Variants in ISM1 observed in about 807,000 individuals in gnomAD.
ISM1 encodes isthmin-1.
Under a neutral mutation model 46.3 loss-of-function variants are expected in ISM1, and 25 were observed. The observed-to-expected ratio is 0.54, with a 90% CI of 0.39 to 0.75. The LOEUF is 0.75. Among genes scored for constraint, ISM1 ranks in the 30% least tolerant of loss-of-function variants. The pLI is 0.00. For missense variants in ISM1, 536 were observed against 625.4 expected, an observed-to-expected ratio of 0.86 and a Z score of 1.52; for synonymous variants, 255 against 256.7, an observed-to-expected ratio of 0.99 and a Z score of 0.06.
chr20:13,241,162 A>T (rs1393489891), intron 1 of ISM1, among the ~76,000 whole-genome samples: 1 of 152,120 alleles, frequency 6.6e-6, no homozygotes, highest in East Asian at 1.9e-4. Flanking sequence ...ATGACTGGTG[A>T]CCTGAATGAG....
At chr20:13,323,623 C>A in the ISM1 span, among the ~76,000 whole-genome samples, 1 of 152,174 alleles carries the variant, frequency 6.6e-6, no homozygotes, top group Non-Finnish European at 1.5e-5. Context: ...AACTACCATA[C>A]GACTATAATT....
At chr20:13,224,811 C>G (rs887986826) in intron 1 of ISM1, among the ~76,000 whole-genome samples, 2 of 144,242 alleles carry the variant, frequency 1.4e-5, no homozygotes, top group African/African-American at 2.6e-5. Flanking sequence ...AGGCACTGTT[C>G]TTAGCACTTT....
intron 1 of ISM1, among the ~76,000 whole-genome samples, chr20:13,257,545 A>G (rs1003441448): frequency 5.9e-5 from 9 of 152,092 alleles, no homozygotes; most frequent in African/African-American, 2.2e-4. Context: ...ACTATGTGCC[A>G]TTTCATTCCT....
At chr20:13,261,406 G>A (rs243902) in intron 1 of ISM1, among the ~76,000 whole-genome samples, 13,512 of 149,774 alleles carry the variant, frequency 0.09, 689 homozygotes, top group East Asian at 0.17. Context: ...CAACAAGAGG[G>A]AAGAGTGAAA....
chr20:13,228,980 A>C (rs979555265), intron 1 of ISM1, among the ~76,000 whole-genome samples: 1 of 152,066 alleles, frequency 6.6e-6, no homozygotes, highest in Non-Finnish European at 1.5e-5. Context: ...CCACTCTGAA[A>C]CCCAGGACTG....
At chr20:13,319,354 T>C in the ISM1 span, among the ~76,000 whole-genome samples, 2 of 152,138 alleles carry the variant, frequency 1.3e-5, no homozygotes, top group Non-Finnish European at 2.9e-5. Context: ...GTATTTCTAC[T>C]GCTAATCAGA....
At chr20:13,231,381 C>T (rs1472149989) in intron 1 of ISM1, among the ~76,000 whole-genome samples, 1 of 152,172 alleles carries the variant, frequency 6.6e-6, no homozygotes, top group East Asian at 1.9e-4. Context: ...GCAAAGGTCA[C>T]GCCTAGGCAA....
chr20:13,274,350 T>A (rs957284117), intron 2 of ISM1, among the ~76,000 whole-genome samples: 3 of 152,050 alleles, frequency 2.0e-5, no homozygotes, highest in Admixed American at 6.5e-5. Context: ...GCCGGCCCCG[T>A]CAAAGCATTC....
At chr20:13,262,013 C>T (rs898346320) in intron 1 of ISM1, among the ~76,000 whole-genome samples, 1 of 152,172 alleles carries the variant, frequency 6.6e-6, no homozygotes, top group South Asian at 2.1e-4. Flanking sequence ...TCCCTCTGGT[C>T]GTAGGAGGAC....
chr20:13,240,239 A>G (rs973429460), intron 1 of ISM1, among the ~76,000 whole-genome samples: 9 of 152,256 alleles, frequency 5.9e-5, no homozygotes, highest in African/African-American at 2.2e-4. Flanking sequence ...ATGTTCTAGA[A>G]AGAAAACTGA....
the ISM1 span, among the ~76,000 whole-genome samples, chr20:13,323,696 C>T: frequency 6.6e-6 from 1 of 152,138 alleles, no homozygotes; most frequent in African/African-American, 2.4e-5. Flanking sequence ...TCATGGACTA[C>T]TCCCAGAGTT....
At chr20:13,305,456 A>G (rs1177007083), downstream of ISM1, among the ~76,000 whole-genome samples, 1 of 152,158 alleles carries the variant, frequency 6.6e-6, no homozygotes, top group Admixed American at 6.5e-5. Flanking sequence ...TAAGCTTCCC[A>G]GGAAGTGTTG....
chr20:13,228,101 T>G (rs563241774), intron 1 of ISM1, among the ~76,000 whole-genome samples: 37 of 151,456 alleles, frequency 2.4e-4, no homozygotes, highest in African/African-American at 7.5e-4. Context: ...GCCTCCCAAA[T>G]AGCTGGGATT....
chr20:13,247,517 G>GGGGGGTGTGT (rs1183213178), intron 1 of ISM1, among the ~76,000 whole-genome samples: 1 of 139,806 alleles, frequency 7.2e-6, no homozygotes, highest in African/African-American at 2.7e-5. Flanking sequence ...CAAAGTGAGG[G>GGGGGGTGTGT]GTGTGTGTGT....
chr20:13,317,112 C>T, the ISM1 span, among the ~76,000 whole-genome samples: 1 of 151,796 alleles, frequency 6.6e-6, no homozygotes, highest in African/African-American at 2.4e-5. Context: ...AAAGTTAATA[C>T]ACAAATGTTC....
rs998540901 is a variant in ISM1 at position 13,239,587 on chromosome 20, C to G, written c.138+17673C>G. 2.0e-5 allele frequency: 3 copies of G among 152,170 alleles called. No homozygotes were observed. In the South Asian group the frequency reaches 6.2e-4, roughly 31 times the overall value. The allele number at this position is 152,170 out of a possible 1,614,324, so 9.4% of individuals were successfully genotyped here. On this transcript the variant is annotated intron_variant, in intron 1 of 5. Coordinates refer to ENST00000262487, the MANE Select transcript of ISM1 (RefSeq NM_080826.2). ...GATACGTGGGCACATGACAGGTACT[C>G]ACATACACAAGGGTCACTGCACATG...
chr20:13,266,968 G>A (rs185316854), intron 1 of ISM1, among the ~76,000 whole-genome samples: 8 of 152,266 alleles, frequency 5.3e-5, no homozygotes, highest in Admixed American at 5.2e-4. Context: ...AAGAGATAAA[G>A]AAAGGTTTTC....
intron 2 of ISM1, among the ~76,000 whole-genome samples, chr20:13,278,229 C>T (rs1450390087): frequency 1.3e-5 from 2 of 152,124 alleles, no homozygotes; most frequent in Non-Finnish European, 2.9e-5. Context: ...AACCAAGAAG[C>T]TTCATTCTTC....
intron 1 of ISM1, among the ~76,000 whole-genome samples, chr20:13,227,454 C>T (rs917260909): frequency 1.9e-4 from 28 of 151,130 alleles, no homozygotes; most frequent in African/African-American, 5.6e-4. Context: ...CTGCCCGCCT[C>T]GACCTCCCAA....
Sources: gnomAD v4.1 joint callset for allele counts (sites outside exome capture counted in the v4.1 genomes callset) on GRCh38, gnomAD v4.1.1 for gene constraint, MANE v1.5 for transcripts, NCBI Gene and HGNC (gene_info 2026-07-23, HGNC 2026-07-21) for gene names.